Variants in KIAA0825 observed in about 807,000 individuals in gnomAD.
The protein encoded by KIAA0825 is uncharacterized protein KIAA0825.
A neutral mutation model predicts 147.6 loss-of-function variants in KIAA0825; 119 were observed. The observed-to-expected ratio is 0.81, with a 90% CI of 0.69 to 0.94. The LOEUF is 0.94. Ranked by LOEUF, KIAA0825 falls within the 40% of genes least tolerant of loss-of-function variation. The pLI is 0.00. For synonymous variants in KIAA0825, 470 were observed against 518.1 expected, an observed-to-expected ratio of 0.91 and a Z score of 1.26; for missense variants, 1,381 against 1,472.7, an observed-to-expected ratio of 0.94 and a Z score of 1.02.
intron 20 of KIAA0825, among the ~76,000 whole-genome samples, chr5:94,228,661 C>T (rs560988198): frequency 2.6e-5 from 4 of 152,258 alleles, no homozygotes; most frequent in African/African-American, 9.6e-5. Context: ...CCAGTCCCTA[C>T]GCCAAAGAAC....
At chr5:94,282,988 C>A (rs1777527510) in intron 20 of KIAA0825, among the ~76,000 whole-genome samples, 1 of 151,848 alleles carries the variant, frequency 6.6e-6, no homozygotes, top group African/African-American at 2.4e-5. Flanking sequence ...GATAGGGAAG[C>A]CATAATATAA....
At chr5:94,478,431 G>A (rs1210787362) in intron 6 of KIAA0825, among the ~76,000 whole-genome samples, 1 of 146,736 alleles carries the variant, frequency 6.8e-6, no homozygotes, top group East Asian at 2.0e-4. Context: ...TAACATGACT[G>A]TATGGCAGGC....
chr5:94,293,133 T>C (rs1378426746), intron 20 of KIAA0825, among the ~76,000 whole-genome samples: 1 of 152,156 alleles, frequency 6.6e-6, no homozygotes, highest in Non-Finnish European at 1.5e-5. Context: ...CTGATCTTAG[T>C]TACTTCTTTT....
At chr5:94,377,564 G>A (rs999265851) in intron 20 of KIAA0825, among the ~76,000 whole-genome samples, 1 of 152,088 alleles carries the variant, frequency 6.6e-6, no homozygotes, top group African/African-American at 2.4e-5. Flanking sequence ...GAGAACAAAA[G>A]CAAAAAACTA....
At chr5:94,319,629 T>A (rs1779975184) in intron 20 of KIAA0825, among the ~76,000 whole-genome samples, 1 of 151,900 alleles carries the variant, frequency 6.6e-6, no homozygotes, top group Non-Finnish European at 1.5e-5. Context: ...TATCTCACAA[T>A]CTATCAGCAA....
chr5:94,164,557 G>A (rs975885887), intron 20 of KIAA0825, among the ~76,000 whole-genome samples: 4 of 151,876 alleles, frequency 2.6e-5, no homozygotes, highest in African/African-American at 4.8e-5. Flanking sequence ...GACTACAGAC[G>A]CGTGCCACCA....
intron 20 of KIAA0825, among the ~76,000 whole-genome samples, chr5:94,249,084 C>T (rs911731294): frequency 6.6e-6 from 1 of 151,938 alleles, no homozygotes; most frequent in Non-Finnish European, 1.5e-5. Flanking sequence ...AAAGAGAAGG[C>T]AAATTCCTTT....
chr5:94,528,938 T>C (rs1346488790), intron 3 of KIAA0825, among the ~76,000 whole-genome samples: 1 of 151,790 alleles, frequency 6.6e-6, no homozygotes, highest in Non-Finnish European at 1.5e-5. Context: ...CTGTGCCAAC[T>C]CCTTTGATTC....
intron 6 of KIAA0825, among the ~76,000 whole-genome samples, chr5:94,480,820 A>T (rs1428623427): frequency 6.6e-6 from 1 of 152,108 alleles, no homozygotes; most frequent in East Asian, 1.9e-4. Context: ...CCTTTAAAAT[A>T]TAATCCCTCT....
At chr5:94,464,064 CAAAAAAAAAAA>C (rs11364703) in intron 11 of KIAA0825, among the ~76,000 whole-genome samples, 7 of 90,286 alleles carry the variant, frequency 7.8e-5, no homozygotes, top group African/African-American at 3.0e-4. Flanking sequence ...TTCCTCCTGC[CAAAAAAAAAAA>C]AAAAAAAAAA....
chr5:94,307,126 T>G (rs2150190418), intron 20 of KIAA0825, among the ~76,000 whole-genome samples: 1 of 151,938 alleles, frequency 6.6e-6, no homozygotes, highest in Non-Finnish European at 1.5e-5. Context: ...ATGCTCTACA[T>G]TCCCTTATTT....
At chr5:94,295,641 CCTTT>C (rs1488258554) in intron 20 of KIAA0825, among the ~76,000 whole-genome samples, 1 of 152,090 alleles carries the variant, frequency 6.6e-6, no homozygotes, top group Non-Finnish European at 1.5e-5. Context: ...TGATGCTATT[CCTTT>C]CTGTTTGTTA....
chr5:94,362,328 C>A (rs1298994865), intron 20 of KIAA0825, among the ~76,000 whole-genome samples: 3 of 152,214 alleles, frequency 2.0e-5, no homozygotes, highest in Non-Finnish European at 4.4e-5. Context: ...AGTTTGGCAT[C>A]TGACTTTGTC....
chr5:94,192,945 C>T (rs548220490), intron 20 of KIAA0825, among the ~76,000 whole-genome samples: 1 of 152,258 alleles, frequency 6.6e-6, no homozygotes, highest in African/African-American at 2.4e-5. Flanking sequence ...ACTTCCTCTC[C>T]CCAATTACTA....
At chr5:94,470,539 T>C (rs1761089067) in intron 9 of KIAA0825, among the ~76,000 whole-genome samples, 1 of 152,236 alleles carries the variant, frequency 6.6e-6, no homozygotes, top group African/African-American at 2.4e-5. Flanking sequence ...TTTTTAAAAA[T>C]TGTAATTTTG....
At chr5:94,431,133 C>T (rs1204060014) in intron 14 of KIAA0825, among the ~76,000 whole-genome samples, 6 of 152,066 alleles carry the variant, frequency 3.9e-5, no homozygotes, top group Non-Finnish European at 7.4e-5. Flanking sequence ...ACATCTTTTC[C>T]AGGCATTCAG....
At chr5:94,166,396 T>C (rs1471926374) in intron 20 of KIAA0825, among the ~76,000 whole-genome samples, 3 of 152,152 alleles carry the variant, frequency 2.0e-5, no homozygotes, top group African/African-American at 7.2e-5. Flanking sequence ...TTAGGCTTCA[T>C]TTTAGTAATT....
chr5:94,396,093 C>A lies in KIAA0825; in HGVS notation c.3296+8G>T. The A allele has an allele frequency of 7.0e-7, 1 of 1,430,470 alleles. No individual in the cohort carries two copies. The highest frequency in any genetic ancestry group is 1.6e-5 in the South Asian group (1 of 61,664). 88.6% of individuals were successfully genotyped at this position (1,430,470 alleles called of 1,614,324 possible). A position where few individuals can be genotyped will look rare whatever the true frequency, so the allele number is the denominator to read the frequency against. On this transcript the variant is annotated splice_region_variant and intron_variant, in intron 17 of 20. Transcript: ENST00000682413. Reference sequence around the variant, plus strand: ...ATGAAATCCAATAAGAGAAAAACATCACTTTACCATTCAGTGCTCAGTTTC... The same window carrying A: ...ATGAAATCCAATAAGAGAAAAACATAACTTTACCATTCAGTGCTCAGTTTC...
intron 20 of KIAA0825, among the ~76,000 whole-genome samples, chr5:94,272,838 G>C (rs1158242902): frequency 6.6e-6 from 1 of 152,134 alleles, no homozygotes; most frequent in East Asian, 1.9e-4. Context: ...CAGATGCCAG[G>C]GGGATGGAAT....
Sources: allele counts gnomAD v4.1 joint callset (sites outside exome capture counted in the v4.1 genomes callset), GRCh38; gene constraint gnomAD v4.1.1; transcripts MANE v1.5; gene names NCBI Gene and HGNC (gene_info 2026-07-23, HGNC 2026-07-21).